TTC5: variants seen among roughly 807,000 people sequenced by gnomAD.
TTC5 encodes the protein tetratricopeptide repeat protein 5.
In TTC5, 46 loss-of-function variants were observed where a neutral mutation model predicts 57.4. The ratio of observed to expected loss-of-function variants is 0.80; its 90% CI spans 0.63 to 1.03. TTC5 has a LOEUF of 1.03. TTC5 is among the 50% of genes least tolerant of loss of function. TTC5 has a pLI of 0.00. For synonymous variants in TTC5, 190 were observed against 203.5 expected (o/e 0.93, Z 0.57); for missense variants, 504 against 528.1 (o/e 0.95, Z 0.45).
chr14:20,301,677 G>A (rs1277190135), intron 2 of TTC5, among the ~76,000 whole-genome samples, 156 bp downstream of exon 2: 1 of 152,174 alleles, frequency 6.6e-6, no homozygotes, highest in South Asian at 2.1e-4. Flanking sequence ...AGTGGCTTAG[G>A]GAATGAAAGG....
rs1243594402 is a variant in TTC5 at position 20,289,619 on chromosome 14, G to C, written c.*8C>G. The C allele has an allele frequency of 1.2e-6, 2 of 1,610,364 alleles. No individual in the cohort carries two copies. The highest frequency in any genetic ancestry group is 4.5e-5 in the East Asian group (2 of 44,864). On this transcript the variant is annotated 3_prime_UTR_variant, in exon 10 of 10. Coordinates refer to ENST00000258821, the MANE Select transcript of TTC5 (RefSeq NM_138376.3). ...CCTCCACTCCCTGTTGAGCATGCAA[G>C]TCAAAGGTCATTCACACTGTGGTCG...
At chr14:20,291,829 T>C (rs985550377) in intron 9 of TTC5, among the ~76,000 whole-genome samples, 154 bp downstream of exon 9, 4 of 151,960 alleles carry the variant, frequency 2.6e-5, no homozygotes, top group Non-Finnish European at 5.9e-5. Flanking sequence ...AAAATACATA[T>C]ATATATATAA....
Position 20,288,733 on chromosome 14 carries a change from C to T in TTC5, c.*894G>A, listed in dbSNP as rs940137503. 2.6e-5 allele frequency: 4 copies of T among 152,148 alleles called. No individual in the cohort carries two copies. Among genetic ancestry groups the T allele is most frequent in the African/African-American group, 9.7e-5 (4 of 41,416 alleles). 9.4% of individuals were successfully genotyped at this position (152,148 alleles called of 1,614,324 possible). ...AGGCCAATTCAATTGGTTATTAATC[C>T]TCACTCACATTTCTCCATTTTACCA... On this transcript the variant is annotated 3_prime_UTR_variant, in exon 10 of 10. Coordinates refer to ENST00000258821, the MANE Select transcript of TTC5 (RefSeq NM_138376.3).
intron 9 of TTC5, among the ~76,000 whole-genome samples, chr14:20,291,012 C>T (rs56383558): frequency 4.6e-5 from 7 of 151,962 alleles, no homozygotes; most frequent in Non-Finnish European, 1.0e-4. Flanking sequence ...AAATATTACG[C>T]TTCTGTCCAT....
intron 1 of TTC5, among the ~76,000 whole-genome samples, chr14:20,304,528 A>G (rs1882253018): frequency 6.6e-6 from 1 of 152,202 alleles, no homozygotes; most frequent in South Asian, 2.1e-4. Flanking sequence ...CACCATCTCC[A>G]TGAACAGCAA....
chr14:20,297,739 C>A (rs1485237607), intron 5 of TTC5, among the ~76,000 whole-genome samples: 1 of 151,538 alleles, frequency 6.6e-6, no homozygotes, highest in Non-Finnish European at 1.5e-5. Flanking sequence ...TGCCACTGCA[C>A]TCCAGCCTGG....
Position 20,295,296 on chromosome 14 carries a change from T to G in TTC5, c.1058+16A>C, listed in dbSNP as rs1445026841. The G allele has an allele frequency of 6.2e-7, 1 of 1,612,972 alleles. No individual in the cohort carries two copies. The highest frequency in any genetic ancestry group is 1.1e-5 in the South Asian group (1 of 91,050). ...GTTCAAAAGGGTAAAATGGGGGAAA[T>G]CCAAGAGAAACTCACAAGGGGACTT... is the stretch of plus-strand genomic sequence containing the variant. On this transcript the variant is annotated intron_variant, in intron 8 of 9. Coordinates refer to ENST00000258821, the MANE Select transcript of TTC5 (RefSeq NM_138376.3).
At chr14:20,304,396 A>G (rs1392005161) in intron 1 of TTC5, among the ~76,000 whole-genome samples, 4 of 152,230 alleles carry the variant, frequency 2.6e-5, no homozygotes, top group African/African-American at 7.2e-5. Context: ...TCAAAATTCT[A>G]CATTTTTAAC....
In TTC5 at chr14:20,289,676, G is replaced by A; in HGVS notation, c.1274C>T (p.Ser425Phe). 1 of 1,613,910 alleles carries A rather than the reference G, an allele frequency of 6.2e-7. No individual in the cohort carries two copies. The highest frequency in any genetic ancestry group is 8.5e-7 in the Non-Finnish European group (1 of 1,179,874). The change falls in exon 10 of 10, where the codon TCC (serine) becomes TTC (phenylalanine). Residue 425 changes from serine (S) to phenylalanine (F), a missense_variant. Coordinates refer to ENST00000258821, the MANE Select transcript of TTC5 (RefSeq NM_138376.3). ...LLVVNGKPQGSSSQAVATVAS... is the reference protein window; with the variant it reads ...LLVVNGKPQGFSSQAVATVAS... ...CACTGTGGCAACAGCCTGGCTGCTG[G>A]ATCCCTGAGGCTTCCCATTCACCAC...
chr14:20,297,599 C>T (rs1461678653), intron 5 of TTC5, among the ~76,000 whole-genome samples: 5 of 151,930 alleles, frequency 3.3e-5, no homozygotes, highest in African/African-American at 1.2e-4. Flanking sequence ...GGTGAAACCC[C>T]GCCTCTACTA....
chr14:20,293,501 T>C (rs1211481726), intron 8 of TTC5: 9 of 152,278 alleles, frequency 5.9e-5, no homozygotes, highest in South Asian at 2.1e-4. Flanking sequence ...TGAAGGACTT[T>C]GTATGCTAAC....
Position 20,300,143 on chromosome 14 carries a change from G to GTA in TTC5, c.396+462_396+463dup, listed in dbSNP as rs1555311668. ...GCATGAGTCACCACGTCTGGTCCAT[G>GTA]TATATATATATATTTTTTTTTTTTT... is the stretch of plus-strand genomic sequence containing the variant. On this transcript the variant is annotated intron_variant, in intron 3 of 9. Coordinates refer to ENST00000258821, the MANE Select transcript of TTC5 (RefSeq NM_138376.3). Among the ~76,000 whole-genome samples, 37 of 27,170 alleles carry GTA rather than the reference G, an allele frequency of 1.4e-3. 2 individuals are homozygous for GTA. The highest frequency in any genetic ancestry group is 1.8e-3 in the East Asian group (2 of 1,100). 17.8% of individuals were successfully genotyped at this position (27,170 alleles called of 152,430 possible). A position where few individuals can be genotyped will look rare whatever the true frequency, so the allele number is the denominator to read the frequency against.
chr14:20,295,424 T>C lies in TTC5; in HGVS notation c.946A>G (p.Lys316Glu), dbSNP rs1882040185. 4.3e-6 allele frequency: 7 copies of C among 1,614,062 alleles called. No homozygotes were observed. Among genetic ancestry groups the C allele is most frequent in the Non-Finnish European group, 5.9e-6 (7 of 1,180,030 alleles). Residue 316 changes from lysine (K) to glutamate (E), a missense_variant, in exon 8 of 10, where the codon AAA becomes GAA. Coordinates refer to ENST00000258821, the MANE Select transcript of TTC5 (RefSeq NM_138376.3). ...AGTGGCTTGAGCTCCAGGGTCACTT[T>C]CTGCCCAGAGGCTGACTGATAGTGC... The part of the protein sequence containing the change: ...DGHYQSASGQ[K>E]VTLELKPLST...
intron 5 of TTC5, among the ~76,000 whole-genome samples, chr14:20,296,771 G>C (rs1882072715): frequency 6.6e-6 from 1 of 152,180 alleles, no homozygotes; most frequent in South Asian, 2.1e-4. Flanking sequence ...CCAGCACTTT[G>C]GAAAGCCAAG....
In TTC5 at chr14:20,301,843, T is replaced by C. The variant is rs548545745; in HGVS notation, c.174A>G (p.Glu58=). ...KEMEKTLQQM[E]EVVGSVQGKA... is the part of the protein sequence containing the mutation. ...CTCTAGGGCTCATACCCACTACTTC[T>C]TCCATCTGCTGTAGGGTTTTCTCCA... is the stretch of plus-strand genomic sequence containing the variant. The change falls in exon 2 of 10, where the codon GAA becomes GAG. Residue 58 remains glutamate, a synonymous_variant. Coordinates refer to ENST00000258821, the MANE Select transcript of TTC5 (RefSeq NM_138376.3). The C allele has an allele frequency of 1.2e-6, 2 of 1,614,016 alleles. No homozygotes were observed. Among genetic ancestry groups the C allele is most frequent in the Admixed American group, 1.7e-5 (1 of 60,010 alleles).
At chr14:20,303,649 T>C (rs2138820327) in intron 1 of TTC5, among the ~76,000 whole-genome samples, 1 of 152,286 alleles carries the variant, frequency 6.6e-6, no homozygotes, top group South Asian at 2.1e-4. Context: ...CTCCTCACTG[T>C]AGTGGGAGTG....
Position 20,295,530 on chromosome 14 carries a change from C to A in TTC5, c.844-4G>T, listed in dbSNP as rs750496469. 1 of 1,606,566 alleles carries A rather than the reference C, an allele frequency of 6.2e-7. No homozygotes were observed. The highest frequency in any genetic ancestry group is 8.5e-7 in the Non-Finnish European group (1 of 1,174,748). On this transcript the variant is annotated splice_region_variant and splice_polypyrimidine_tract_variant and intron_variant, in intron 7 of 9. Coordinates refer to ENST00000258821, the MANE Select transcript of TTC5 (RefSeq NM_138376.3). ...GCTTTTTGGTCTTCACCTTTCCCTG[C>A]AAAGAAGGGGAAATAGGTAAGAAGC...
intron 5 of TTC5, among the ~76,000 whole-genome samples, chr14:20,297,573 C>A (rs2138812561): frequency 6.6e-6 from 1 of 152,182 alleles, no homozygotes; most frequent in Non-Finnish European, 1.5e-5. Context: ...GAGTTCAAGA[C>A]CAGCCTGGCC....
intron 1 of TTC5, 196 bp downstream of exon 1, chr14:20,305,690 AG>A (rs909472806): frequency 2.8e-5 from 17 of 610,508 alleles, no homozygotes; most frequent in African/African-American, 2.8e-4. Context: ...AATTAACCGC[AG>A]TCAGGTCGGC....
Sources: allele counts gnomAD v4.1 joint callset (sites outside exome capture counted in the v4.1 genomes callset), GRCh38; gene constraint gnomAD v4.1.1; transcripts MANE v1.5; gene names NCBI Gene and HGNC (gene_info 2026-07-23, HGNC 2026-07-21).